Variants in EGLN1 observed in about 807,000 individuals in gnomAD.
EGLN1 encodes egl nine homolog 1.
EGLN1 carries 17 observed loss-of-function variants against 38.3 expected under a neutral mutation model. That is an observed-to-expected ratio of 0.44 (90% CI 0.30 to 0.67). EGLN1 has a LOEUF of 0.67. Among genes scored for constraint, EGLN1 ranks in the 30% least tolerant of loss-of-function variants. EGLN1 has a pLI of 0.08. For synonymous variants in EGLN1, 283 were observed against 257.5 expected (o/e 1.10, Z -0.95); for missense variants, 477 against 603.3 (o/e 0.79, Z 2.19).
At chr1:231,367,517 T>G (rs2102890186) in intron 4 of EGLN1, 52 bp downstream of exon 4, 2 of 1,558,748 alleles carry the variant, frequency 1.3e-6, no homozygotes, top group South Asian at 2.2e-5. Context: ...AAGCATCACC[T>G]GATTGCAGGG....
At chr1:231,399,106 G>C (rs1005535179) in intron 1 of EGLN1, among the ~76,000 whole-genome samples, 1 of 152,158 alleles carries the variant, frequency 6.6e-6, no homozygotes, top group Non-Finnish European at 1.5e-5. Flanking sequence ...TAGAGAAATA[G>C]AGTTAGGCAT....
In EGLN1 at chr1:231,374,793, A is replaced by T. The variant is rs57875358; in HGVS notation, c.892-694T>A. 3.9e-5 allele frequency among the ~76,000 whole-genome samples: 6 copies of T among 152,066 alleles called. No individual in the cohort carries two copies. In the South Asian group the frequency reaches 6.2e-4, roughly 16 times the overall value. On this transcript the variant is annotated intron_variant, in intron 1 of 4. Coordinates refer to ENST00000366641, the MANE Select transcript of EGLN1 (RefSeq NM_022051.3). ...CATTTAGTGTCAGTGATTTTTTTTT[A>T]AAAAAAGGACTAAACAAATTAGCTT...
Position 231,366,075 on chromosome 1 carries a change from G to A in EGLN1, c.*336C>T. On this transcript the variant is annotated 3_prime_UTR_variant, in exon 5 of 5. Transcript: ENST00000366641. ...TCAAACTTGATATAAAAAAGGGAGA[G>A]ATGAAATGAACTCAGCTAGATAACA... 2 of 293,582 alleles carry A rather than the reference G, an allele frequency of 6.8e-6. No individual in the cohort carries two copies. The highest frequency in any genetic ancestry group is 4.6e-5 in the Admixed American group (1 of 21,560). The allele number at this position is 293,582 out of a possible 1,614,324, so 18.2% of individuals were successfully genotyped here.
At chr1:231,377,000 T>C (rs1388153180) in intron 1 of EGLN1, among the ~76,000 whole-genome samples, 1 of 152,164 alleles carries the variant, frequency 6.6e-6, no homozygotes, top group African/African-American at 2.4e-5. Context: ...AGGAAGGCCT[T>C]TGGATATTGT....
chr1:231,395,556 T>C (rs562954113), intron 1 of EGLN1, among the ~76,000 whole-genome samples: 1 of 152,272 alleles, frequency 6.6e-6, no homozygotes, highest in Non-Finnish European at 1.5e-5. Flanking sequence ...ACTTGCTTTT[T>C]ATCAGAGCAA....
Position 231,373,985 on chromosome 1 carries a change from C to G in EGLN1, c.1006G>C (p.Ala336Pro). ...TGCTCAATTAAGTTGCATACCTTGG[C>G]ATCCCAGTCTTTATTAAGATAATAT... ...CIYYLNKDWD[A>P]KVSGGILRIF... The change falls in exon 2 of 5, where the codon GCC becomes CCC. Residue 336 changes from alanine (A) to proline (P), a missense_variant. Coordinates refer to ENST00000366641, the MANE Select transcript of EGLN1 (RefSeq NM_022051.3). 6.2e-7 allele frequency: 1 copy of G among 1,613,810 alleles called. No homozygotes were observed. The highest frequency in any genetic ancestry group is 1.1e-5 in the South Asian group (1 of 91,068).
intron 1 of EGLN1, among the ~76,000 whole-genome samples, chr1:231,375,910 T>TAC: frequency 6.6e-6 from 1 of 152,310 alleles, no homozygotes; most frequent in South Asian, 2.1e-4. Flanking sequence ...ACCTGAACTC[T>TAC]ACATCTCAAA....
chr1:231,419,851 G>A (rs1300885949), intron 1 of EGLN1, among the ~76,000 whole-genome samples: 1 of 152,164 alleles, frequency 6.6e-6, no homozygotes, highest in Non-Finnish European at 1.5e-5. Context: ...TGTCAAAGTA[G>A]ATGATCTGAC....
At chr1:231,399,374 G>A (rs185638401) in intron 1 of EGLN1, among the ~76,000 whole-genome samples, 57 of 152,218 alleles carry the variant, frequency 3.7e-4, no homozygotes, top group Non-Finnish European at 6.9e-4. Flanking sequence ...ATGTGGCAGG[G>A]GTAGAATTCA....
chr1:231,421,865 G>C lies in EGLN1; in HGVS notation c.24C>G (p.Pro8=), dbSNP rs766080154. The C allele has an allele frequency of 6.7e-7, 1 of 1,495,154 alleles. No individual in the cohort carries two copies. Among genetic ancestry groups the C allele is most frequent in the Non-Finnish European group, 8.8e-7 (1 of 1,131,204 alleles). The allele number at this position is 1,495,154 out of a possible 1,614,324, so 92.6% of individuals were successfully genotyped here. Reference sequence around the variant, plus strand: ...CTCGCTCGCTCGGGCTCGGCCCGCCGGGCCCGCCGCTGTCATTGGCCATGG... The same window carrying C: ...CTCGCTCGCTCGGGCTCGGCCCGCCCGGCCCGCCGCTGTCATTGGCCATGG... The part of the protein sequence containing the change: MANDSGG[P]GGPSPSERDR... Residue 8 remains proline, a synonymous_variant, in exon 1 of 5, where the codon CCC becomes CCG. Transcript: ENST00000366641. The surrounding 1 kb of genome is among the most constrained non-coding windows in gnomAD (Gnocchi z 5.5).
chr1:231,410,506 G>A (rs1435474925), intron 1 of EGLN1, among the ~76,000 whole-genome samples: 1 of 152,158 alleles, frequency 6.6e-6, no homozygotes, highest in Admixed American at 6.5e-5. Context: ...CCAATTCCTT[G>A]TCTACAGAAA....
chr1:231,366,444 TTTA>T lies in EGLN1; in HGVS notation c.1245_1247del (p.Asn415del). 2.5e-6 allele frequency: 4 copies of T among 1,614,016 alleles called. No homozygotes were observed. The highest frequency in any genetic ancestry group is 3.4e-6 in the Non-Finnish European group (4 of 1,180,002). On this transcript the variant is annotated inframe_deletion, in exon 5 of 5. Transcript: ENST00000366641. Reference sequence around the variant, plus strand: ...CGTCTTTACCGACCGAATCTGAAGGTTTATTGAGTTCAACCCTCACACCTTTTT... The same window carrying T: ...CGTCTTTACCGACCGAATCTGAAGGTTTGAGTTCAACCCTCACACCTTTTT...
At chr1:231,406,708 A>AG (rs1426905113) in intron 1 of EGLN1, among the ~76,000 whole-genome samples, 1 of 151,936 alleles carries the variant, frequency 6.6e-6, no homozygotes, top group African/African-American at 2.4e-5. Flanking sequence ...TTTTTAACAT[A>AG]GGGTCTATGG....
intron 1 of EGLN1, among the ~76,000 whole-genome samples, chr1:231,418,482 G>GTAA (rs1656418966): frequency 1.3e-5 from 2 of 152,132 alleles, no homozygotes; most frequent in Non-Finnish European, 2.9e-5. Context: ...CACCAGCCAG[G>GTAA]GTTATAGTAA....
At chr1:231,367,386 G>A (rs1308464121) in intron 4 of EGLN1, among the ~76,000 whole-genome samples, 183 bp downstream of exon 4, 1 of 152,034 alleles carries the variant, frequency 6.6e-6, no homozygotes, top group Non-Finnish European at 1.5e-5. Flanking sequence ...AATTTTTTTG[G>A]TTAAAGATAA....
intron 1 of EGLN1, among the ~76,000 whole-genome samples, chr1:231,377,778 G>A (rs539698637): frequency 6.6e-6 from 1 of 152,256 alleles, no homozygotes; most frequent in Admixed American, 6.5e-5. Context: ...AATTGGGAAT[G>A]AAGTGATATG....
Position 231,365,377 on chromosome 1 carries a change from A to T in EGLN1, c.*1034T>A, listed in dbSNP as rs1459704585. ...CCCTTATCTTAGGAACTTGAAGCTG[A>T]GGATAATCTCAAGTTCACTTAGTGC... is the stretch of plus-strand genomic sequence containing the variant. On this transcript the variant is annotated 3_prime_UTR_variant, in exon 5 of 5. Coordinates refer to ENST00000366641, the MANE Select transcript of EGLN1 (RefSeq NM_022051.3). 1 of 152,216 alleles carries T rather than the reference A, an allele frequency of 6.6e-6. No homozygotes were observed. Among genetic ancestry groups the T allele is most frequent in the Admixed American group, 6.5e-5 (1 of 15,282 alleles). The allele number at this position is 152,216 out of a possible 1,614,324, so 9.4% of individuals were successfully genotyped here.
chr1:231,417,081 T>C (rs578089313), intron 1 of EGLN1, among the ~76,000 whole-genome samples: 1 of 152,348 alleles, frequency 6.6e-6, no homozygotes, highest in Non-Finnish European at 1.5e-5. Flanking sequence ...GGTCTGGTAC[T>C]GATGAGGGCT....
intron 1 of EGLN1, among the ~76,000 whole-genome samples, chr1:231,404,684 T>C (rs1478024775): frequency 1.3e-5 from 2 of 152,278 alleles, no homozygotes; most frequent in Admixed American, 6.5e-5. Context: ...CTAGCTTACC[T>C]GCATCCATCA....
Sources: allele counts gnomAD v4.1 joint callset (sites outside exome capture counted in the v4.1 genomes callset), GRCh38; gene constraint gnomAD v4.1.1; non-coding constraint Gnocchi (gnomAD v3.1); transcripts MANE v1.5; gene names NCBI Gene and HGNC (gene_info 2026-07-23, HGNC 2026-07-21).